The following CMSS1 variants were observed in gnomAD, a reference collection of about 807,000 sequenced individuals.
CMSS1 encodes cms1 ribosomal small subunit homolog.
CMSS1 carries 33 observed loss-of-function variants against 43.5 expected under a neutral mutation model. That is an observed-to-expected ratio of 0.76 (90% CI 0.57 to 1.01). The LOEUF (loss-of-function observed/expected upper bound fraction) is 1.01. Ranked by LOEUF, CMSS1 falls within the 50% of genes least tolerant of loss-of-function variation. CMSS1 has a pLI of 0.00. For missense variants in CMSS1, 313 were observed against 326.4 expected, an observed-to-expected ratio of 0.96 and a Z score of 0.32; for synonymous variants, 115 against 117.2, an observed-to-expected ratio of 0.98 and a Z score of 0.12.
chr3:100,159,890 C>T (rs944918315), intron 2 of CMSS1: 11 of 456,448 alleles, frequency 2.4e-5, no homozygotes, highest in African/African-American at 1.8e-4. Context: ...ATAGCAAAGG[C>T]ATTTGATGCA....
intron 1 of CMSS1, among the ~76,000 whole-genome samples, chr3:100,029,322 C>T (rs545035016): frequency 3.4e-4 from 51 of 151,942 alleles, no homozygotes; most frequent in Non-Finnish European, 6.8e-4. Flanking sequence ...GTTTTAGTCA[C>T]ATAACACTAT....
At chr3:99,975,829 C>G (rs1355933968) in intron 1 of CMSS1, among the ~76,000 whole-genome samples, 4 of 152,158 alleles carry the variant, frequency 2.6e-5, no homozygotes, top group African/African-American at 9.7e-5. Context: ...TTAGAACAAT[C>G]AACAGCATCC....
intron 1 of CMSS1, among the ~76,000 whole-genome samples, chr3:99,974,688 CAA>C (rs772879911): frequency 7.9e-5 from 12 of 152,064 alleles, no homozygotes; most frequent in East Asian, 1.9e-4. Flanking sequence ...GCCTGAGTAA[CAA>C]GAGCGAAACT....
At chr3:100,064,278 T>G (rs1052045672) in intron 1 of CMSS1, among the ~76,000 whole-genome samples, 2 of 152,172 alleles carry the variant, frequency 1.3e-5, no homozygotes, top group African/African-American at 4.8e-5. Flanking sequence ...CTTTGCAGTT[T>G]AACTTACTAA....
intron 1 of CMSS1, among the ~76,000 whole-genome samples, chr3:99,976,006 TC>T (rs1708959374): frequency 6.6e-6 from 1 of 152,168 alleles, no homozygotes; most frequent in Non-Finnish European, 1.5e-5. Flanking sequence ...TGCCTCAGCC[TC>T]CCAAGTAGCT....
At chr3:100,065,133 T>C (rs1481367475) in intron 1 of CMSS1, among the ~76,000 whole-genome samples, 3 of 152,174 alleles carry the variant, frequency 2.0e-5, no homozygotes, top group South Asian at 4.1e-4. Context: ...AATTAATATA[T>C]ACACTGGGCA....
intron 6 of CMSS1, among the ~76,000 whole-genome samples, 195 bp downstream of exon 6, chr3:100,168,035 T>C (rs1347071478): frequency 6.6e-6 from 1 of 152,090 alleles, no homozygotes; most frequent in Non-Finnish European, 1.5e-5. Context: ...CATTGATAAG[T>C]TATGTAAGGA....
chr3:100,077,410 G>T (rs913595137), intron 1 of CMSS1, among the ~76,000 whole-genome samples: 2 of 152,194 alleles, frequency 1.3e-5, no homozygotes, highest in Non-Finnish European at 2.9e-5. Context: ...TTAAAAATAA[G>T]AGTAGTTAAA....
intron 1 of CMSS1, among the ~76,000 whole-genome samples, chr3:100,123,475 G>A (rs933904018): frequency 9.9e-5 from 15 of 152,166 alleles, no homozygotes; most frequent in Admixed American, 9.2e-4. Context: ...AGACTGCTGC[G>A]ATGTTTTAAC....
At chr3:99,937,252 A>G (rs899380809) in intron 1 of CMSS1, among the ~76,000 whole-genome samples, 1 of 152,144 alleles carries the variant, frequency 6.6e-6, no homozygotes, top group Non-Finnish European at 1.5e-5. Flanking sequence ...TTATTTTCAT[A>G]TGTGGACCAA....
chr3:99,913,949 G>A (rs1246880635), intron 1 of CMSS1, among the ~76,000 whole-genome samples: 1 of 152,186 alleles, frequency 6.6e-6, no homozygotes, highest in Non-Finnish European at 1.5e-5. Flanking sequence ...TAAATGGAGT[G>A]TATGTGTATG....
At chr3:99,842,478 A>G (rs748623882) in intron 1 of CMSS1, among the ~76,000 whole-genome samples, 2 of 144,604 alleles carry the variant, frequency 1.4e-5, no homozygotes, top group African/African-American at 5.3e-5. Flanking sequence ...CCAAAAACCT[A>G]TTGAAATAAA....
chr3:99,844,258 C>T (rs1030387407), intron 1 of CMSS1, among the ~76,000 whole-genome samples: 1 of 152,120 alleles, frequency 6.6e-6, no homozygotes, highest in Non-Finnish European at 1.5e-5. Context: ...GGCCCTACGC[C>T]CCCAGAGGTT....
rs71907944 is a variant in CMSS1, at chr3:100,062,093, C to CTTTTTTTTTTTT, written c.65-84855_65-84844dup. On this transcript the variant is annotated intron_variant, in intron 1 of 9. Coordinates refer to ENST00000421999, the MANE Select transcript of CMSS1 (RefSeq NM_032359.4). ...CCACTTGTGGTTATCCTGTCTTCTT[C>CTTTTTTTTTTTT]TTTTTTTTTTTTTTTTTTTTTTTTT... Among the ~76,000 whole-genome samples the CTTTTTTTTTTTT allele has an allele frequency of 2.8e-3, 148 of 53,170 alleles. 36 individuals carry two copies. The highest frequency in any genetic ancestry group is 3.7e-3 in the Non-Finnish European group (110 of 29,468). The allele number at this position is 53,170 out of a possible 152,430, so 34.9% of individuals were successfully genotyped here. A position where few individuals can be genotyped will look rare whatever the true frequency, so the allele number is the denominator to read the frequency against.
chr3:100,052,945 T>C (rs563220169), intron 1 of CMSS1, among the ~76,000 whole-genome samples: 1 of 152,222 alleles, frequency 6.6e-6, no homozygotes, highest in Admixed American at 6.5e-5. Flanking sequence ...TTCCCCTAAA[T>C]AAGATGAAAT....
chr3:100,091,814 T>C (rs1267303170), intron 1 of CMSS1, among the ~76,000 whole-genome samples: 2 of 152,232 alleles, frequency 1.3e-5, no homozygotes, highest in South Asian at 2.1e-4. Context: ...TTGCTCAGCG[T>C]CTCCTCTCGT....
chr3:99,818,892 T>G (rs765028820), intron 1 of CMSS1, among the ~76,000 whole-genome samples: 11 of 152,238 alleles, frequency 7.2e-5, no homozygotes, highest in Non-Finnish European at 1.3e-4. Flanking sequence ...AGGCTAGCCT[T>G]GAACTTTTTA....
chr3:100,079,264 C>A (rs1274883894), intron 1 of CMSS1, among the ~76,000 whole-genome samples: 1 of 152,154 alleles, frequency 6.6e-6, no homozygotes, highest in Non-Finnish European at 1.5e-5. Flanking sequence ...ACTATCGATG[C>A]TTTCTGTTGG....
intron 1 of CMSS1, among the ~76,000 whole-genome samples, chr3:99,861,555 T>C (rs1944255588): frequency 6.6e-6 from 1 of 152,190 alleles, no homozygotes; most frequent in African/African-American, 2.4e-5. Context: ...CTGCAGTTGA[T>C]TTTGTACTCT....
Sources: gnomAD v4.1 joint callset for allele counts (sites outside exome capture counted in the v4.1 genomes callset) on GRCh38, gnomAD v4.1.1 for gene constraint, MANE v1.5 for transcripts, NCBI Gene and HGNC (gene_info 2026-07-23, HGNC 2026-07-21) for gene names.